UACA: variants seen among roughly 807,000 people sequenced by gnomAD.
The protein encoded by UACA is uveal autoantigen with coiled-coil domains and ankyrin repeats.
A neutral mutation model predicts 160.5 loss-of-function variants in UACA; 112 were observed. The observed-to-expected ratio is 0.70, with a 90% CI of 0.60 to 0.82. The LOEUF is 0.82. Ranked by LOEUF, UACA falls within the 40% of genes least tolerant of loss-of-function variation. UACA has a pLI of 0.00. For synonymous variants in UACA, 557 were observed against 568.4 expected (o/e 0.98, Z 0.29); for missense variants, 1,574 against 1,614.6 (o/e 0.97, Z 0.43).
chr15:70,667,930 T>G lies in UACA; in HGVS notation c.2754A>C (p.Ile918=). 1 of 1,613,634 alleles carries G rather than the reference T, an allele frequency of 6.2e-7. No homozygotes were observed. The highest frequency in any genetic ancestry group is 8.5e-7 in the Non-Finnish European group (1 of 1,179,808). ...CTGCCAGGCTGATGTACTCAGCTTT[T>G]ATTTGGTTCTGAGTGTTTTCCAGGT... ...KRNLENTQNQ[I]KAEYISLAEH... Residue 918 remains isoleucine, a synonymous_variant, in exon 16 of 19, where the codon ATA becomes ATC. Transcript: ENST00000322954.
chr15:70,671,305 TTTTTTTTTTC>T (rs1897131568), intron 14 of UACA: 1 of 337,690 alleles, frequency 3.0e-6, no homozygotes. Flanking sequence ...CTAGGTTGGT[TTTTTTTTTTC>T]TTATTTTTTT....
intron 1 of UACA, among the ~76,000 whole-genome samples, chr15:70,760,770 G>A (rs1458618944): frequency 6.8e-6 from 1 of 147,852 alleles, no homozygotes; most frequent in Non-Finnish European, 1.5e-5. Flanking sequence ...TGGTCCCATT[G>A]CACTCCAGCC....
chr15:70,738,532 T>A (rs1253166237), intron 1 of UACA, among the ~76,000 whole-genome samples: 1 of 152,128 alleles, frequency 6.6e-6, no homozygotes, highest in East Asian at 1.9e-4. Flanking sequence ...TCTTCACCCA[T>A]ACATGATCCA....
At chr15:70,736,151 A>C (rs1204015943) in intron 1 of UACA, among the ~76,000 whole-genome samples, 2 of 152,228 alleles carry the variant, frequency 1.3e-5, no homozygotes, top group Non-Finnish European at 2.9e-5. Context: ...GTTAATGGCC[A>C]GATTTCTAAA....
At chr15:70,777,164 A>G in the UACA span, among the ~76,000 whole-genome samples, 8 of 152,216 alleles carry the variant, frequency 5.3e-5, no homozygotes, top group Non-Finnish European at 1.2e-4. Flanking sequence ...GTGAGAGTCA[A>G]TTATGCATCT....
chr15:70,684,405 G>C lies in UACA; in HGVS notation c.644C>G (p.Ala215Gly). The stretch of plus-strand genomic sequence containing the variant: ...ACCATTTTTAATTAAGACTTCTACT[G>C]CATCTCTGCAACCATATTCGCAACC... ...MLGCEYGCRDAVEVLIKNGAD... is the reference protein window; with the variant it reads ...MLGCEYGCRDGVEVLIKNGAD... The change falls in exon 8 of 19, where the codon GCA (alanine) becomes GGA (glycine). Residue 215 changes from alanine to glycine, a missense_variant. Ala to Gly is a moderately conservative substitution (Grantham distance 60, BLOSUM62 0). Transcript: ENST00000322954. 6.2e-7 allele frequency: 1 copy of C among 1,613,548 alleles called. No individual in the cohort carries two copies. Among genetic ancestry groups the C allele is most frequent in the Non-Finnish European group, 8.5e-7 (1 of 1,179,726 alleles).
At chr15:70,698,896 G>A (rs767518656) in intron 2 of UACA, among the ~76,000 whole-genome samples, 1 of 152,144 alleles carries the variant, frequency 6.6e-6, no homozygotes, top group Non-Finnish European at 1.5e-5. Flanking sequence ...GGGAAGGGGA[G>A]AAGACAGACA....
intron 1 of UACA, among the ~76,000 whole-genome samples, chr15:70,739,998 G>C (rs1899479219): frequency 6.6e-6 from 1 of 152,118 alleles, no homozygotes; most frequent in African/African-American, 2.4e-5. Flanking sequence ...AACAGCAGTA[G>C]AAAGTATTAA....
intron 3 of UACA, among the ~76,000 whole-genome samples, chr15:70,693,025 T>C (rs1897994777): frequency 6.6e-6 from 1 of 152,186 alleles, no homozygotes; most frequent in South Asian, 2.1e-4. Flanking sequence ...TCAGATGTGA[T>C]CATTTCAAAT....
At chr15:70,708,584 C>T (rs1898588060) in intron 1 of UACA, among the ~76,000 whole-genome samples, 1 of 151,806 alleles carries the variant, frequency 6.6e-6, no homozygotes, top group Non-Finnish European at 1.5e-5. Flanking sequence ...TCTCCTGGTT[C>T]AGCCTCCCGA....
intron 1 of UACA, among the ~76,000 whole-genome samples, chr15:70,729,978 G>A (rs1899273788): frequency 1.1e-5 from 1 of 94,906 alleles, no homozygotes; most frequent in Non-Finnish European, 2.0e-5. Context: ...CATCTACACC[G>A]AAAACCCATC....
At chr15:70,687,416 G>T in intron 7 of UACA, 124 bp downstream of exon 7, 1 of 793,682 alleles carries the variant, frequency 1.3e-6, no homozygotes, top group Non-Finnish European at 2.1e-6. Context: ...GGAAAAGCAA[G>T]CCAGGGAAGG....
intron 1 of UACA, among the ~76,000 whole-genome samples, chr15:70,742,389 C>T (rs1899563922): frequency 6.6e-6 from 1 of 152,176 alleles, no homozygotes; most frequent in Non-Finnish European, 1.5e-5. Context: ...TTATTACCTA[C>T]AGGTTTTAAA....
intron 3 of UACA, among the ~76,000 whole-genome samples, chr15:70,693,983 C>A (rs902965357): frequency 1.3e-5 from 2 of 152,088 alleles, no homozygotes; most frequent in Non-Finnish European, 2.9e-5. Context: ...CTCACTAATT[C>A]AATTGTGATC....
upstream of UACA, among the ~76,000 whole-genome samples, chr15:70,764,232 G>A (rs916619780): frequency 8.5e-5 from 13 of 152,136 alleles, no homozygotes; most frequent in African/African-American, 3.1e-4. Context: ...AGGAGAAGAG[G>A]TGCCATCAAT....
At chr15:70,757,458 T>C (rs534559709) in intron 1 of UACA, among the ~76,000 whole-genome samples, 1 of 152,182 alleles carries the variant, frequency 6.6e-6, no homozygotes, top group Non-Finnish European at 1.5e-5. Flanking sequence ...ACTAACTCTA[T>C]CACCCCTTCT....
At chr15:70,756,856 G>A (rs137893192) in intron 1 of UACA, among the ~76,000 whole-genome samples, 4 of 152,338 alleles carry the variant, frequency 2.6e-5, no homozygotes, top group African/African-American at 9.6e-5. Context: ...TGGGGCAACA[G>A]AGTGAGACTT....
In UACA at chr15:70,755,583, T is replaced by C. The variant is rs1387420553; in HGVS notation, c.78+7747A>G. Among the ~76,000 whole-genome samples, 5 of 151,210 alleles carry C rather than the reference T, an allele frequency of 3.3e-5. No homozygotes were observed. The East Asian group carries it at 5.9e-4, about 18-fold the overall frequency. On this transcript the variant is annotated intron_variant, in intron 1 of 18. Coordinates refer to ENST00000322954, the MANE Select transcript of UACA (RefSeq NM_018003.4). The stretch of plus-strand genomic sequence containing the variant: ...TACTCGGGAGGCTGAGGCAAGAGAA[T>C]CTCTTGAACCCGAGAGGCAGAGGTT...
intron 16 of UACA, 107 bp from the exon 17 acceptor site, chr15:70,664,921 C>T (rs1473110952): frequency 1.4e-5 from 14 of 1,031,258 alleles, no homozygotes; most frequent in Non-Finnish European, 1.9e-5. Flanking sequence ...TATCTTTATA[C>T]ACCAGAAAAT....
Sources: gnomAD v4.1 joint callset for allele counts (sites outside exome capture counted in the v4.1 genomes callset) on GRCh38, gnomAD v4.1.1 for gene constraint, MANE v1.5 for transcripts, NCBI Gene and HGNC (gene_info 2026-07-23, HGNC 2026-07-21) for gene names.